Variants in PELI2 observed in about 807,000 individuals in gnomAD.
PELI2 encodes the protein E3 ubiquitin-protein ligase pellino homolog 2.
In PELI2, 23 loss-of-function variants were observed where a neutral mutation model predicts 42.3. That is an observed-to-expected ratio of 0.54 (90% CI 0.39 to 0.77). PELI2 has a LOEUF of 0.77. Ranked by LOEUF, PELI2 falls within the 30% of genes least tolerant of loss-of-function variation. The pLI is 0.00. For missense variants in PELI2, 463 were observed against 553.2 expected (o/e 0.84, Z 1.64); for synonymous variants, 245 against 212.2 (o/e 1.15, Z -1.34).
At position 56,296,740 on chromosome 14, in the gene PELI2, C is replaced by T. The variant is rs148290454; in HGVS notation, c.837C>T (p.Ala279=). 3.4e-4 allele frequency: 549 copies of T among 1,614,118 alleles called. 2 individuals carry two copies. The African/African-American group carries it at 6.6e-3, about 19-fold the overall frequency. Residue 279 remains alanine, a synonymous_variant, in exon 6 of 6, where the codon GCC becomes GCT. Transcript: ENST00000267460. The part of the protein sequence containing the change: ...HIEALRQEIN[A]ARPQCPVGLN... ...AAGCCCTCCGGCAGGAGATTAACGC[C>T]GCCCGGCCTCAGTGTCCTGTGGGGC...
At chr14:56,257,820 T>G (rs1888575093) in intron 2 of PELI2, among the ~76,000 whole-genome samples, 1 of 152,168 alleles carries the variant, frequency 6.6e-6, no homozygotes, top group Non-Finnish European at 1.5e-5. Context: ...CCCTATGATC[T>G]GAGTTGAAGA....
intron 1 of PELI2, among the ~76,000 whole-genome samples, chr14:56,136,618 T>C (rs1342407866): frequency 1.3e-5 from 2 of 152,218 alleles, no homozygotes. Flanking sequence ...TGGAAATTGT[T>C]ACATCCTCTG....
chr14:56,167,808 C>T (rs765135211), intron 1 of PELI2, among the ~76,000 whole-genome samples: 1 of 152,108 alleles, frequency 6.6e-6, no homozygotes, highest in African/African-American at 2.4e-5. Context: ...ATTTGTAGCC[C>T]TCCTTTTTGG....
chr14:56,138,844 T>C (rs1883786760), intron 1 of PELI2, among the ~76,000 whole-genome samples: 1 of 152,260 alleles, frequency 6.6e-6, no homozygotes, highest in South Asian at 2.1e-4. Flanking sequence ...ATGGAAACGC[T>C]CAGTTCAGGT....
intron 2 of PELI2, among the ~76,000 whole-genome samples, chr14:56,260,535 G>A (rs1888676171): frequency 6.6e-6 from 1 of 152,176 alleles, no homozygotes; most frequent in Non-Finnish European, 1.5e-5. Context: ...ACAGTTCTAT[G>A]TCTTGACTGA....
chr14:56,263,931 T>A (rs542047964), intron 2 of PELI2, among the ~76,000 whole-genome samples: 171 of 152,184 alleles, frequency 1.1e-3, no homozygotes, highest in African/African-American at 3.6e-3. Flanking sequence ...ATTGAAAAAA[T>A]TTTTTAAAAT....
chr14:56,216,218 C>T (rs7161696), intron 2 of PELI2, among the ~76,000 whole-genome samples: 60,598 of 151,716 alleles, frequency 0.4, 12,898 homozygotes, highest in South Asian at 0.53. Context: ...GCTCCTTGGC[C>T]AGGGAGTCAG....
chr14:56,267,963 G>A (rs553107492), intron 2 of PELI2, among the ~76,000 whole-genome samples: 1 of 152,258 alleles, frequency 6.6e-6, no homozygotes, highest in East Asian at 1.9e-4. Flanking sequence ...ACAATTACAT[G>A]GTAAGTCATT....
At chr14:56,225,613 G>A (rs1406534637) in intron 2 of PELI2, among the ~76,000 whole-genome samples, 1 of 152,216 alleles carries the variant, frequency 6.6e-6, no homozygotes, top group Non-Finnish European at 1.5e-5. Context: ...GGGCTGCAGT[G>A]AGGGAAGGGG....
At chr14:56,179,257 T>C (rs1158682576) in intron 2 of PELI2, among the ~76,000 whole-genome samples, 1 of 152,224 alleles carries the variant, frequency 6.6e-6, no homozygotes, top group Non-Finnish European at 1.5e-5. Flanking sequence ...ACGGGGCTAC[T>C]GGCTGTACCT....
intron 2 of PELI2, among the ~76,000 whole-genome samples, chr14:56,214,285 G>T (rs1002916413): frequency 6.6e-6 from 1 of 152,166 alleles, no homozygotes; most frequent in African/African-American, 2.4e-5. Flanking sequence ...GGGAGAGAGG[G>T]TAGAGCCCCT....
intron 2 of PELI2, among the ~76,000 whole-genome samples, chr14:56,250,523 C>T (rs1888308747): frequency 6.6e-6 from 1 of 152,174 alleles, no homozygotes; most frequent in Non-Finnish European, 1.5e-5. Flanking sequence ...CAGTCTGTGA[C>T]CAAATGCCAT....
At chr14:56,188,683 A>C (rs1267129998) in intron 2 of PELI2, among the ~76,000 whole-genome samples, 1 of 152,108 alleles carries the variant, frequency 6.6e-6, no homozygotes, top group Non-Finnish European at 1.5e-5. Context: ...CAGGCATAGC[A>C]TTTGTTTTTG....
At chr14:56,287,514 A>AT (rs1185163412) in intron 3 of PELI2, among the ~76,000 whole-genome samples, 1 of 152,180 alleles carries the variant, frequency 6.6e-6, no homozygotes, top group Non-Finnish European at 1.5e-5. Flanking sequence ...TTTACATTGC[A>AT]TTTTTTAACA....
chr14:56,149,230 T>TA (rs1884246832), intron 1 of PELI2, among the ~76,000 whole-genome samples: 1 of 152,202 alleles, frequency 6.6e-6, no homozygotes, highest in Admixed American at 6.5e-5. Flanking sequence ...AGTTAGATGC[T>TA]AAAATGGGTG....
At chr14:56,187,736 C>T (rs1452417785) in intron 2 of PELI2, among the ~76,000 whole-genome samples, 1 of 152,144 alleles carries the variant, frequency 6.6e-6, no homozygotes, top group African/African-American at 2.4e-5. Flanking sequence ...TGATCATAAC[C>T]GTGTTCCAGG....
intron 2 of PELI2, among the ~76,000 whole-genome samples, chr14:56,233,373 A>G (rs189667476): frequency 7.2e-5 from 11 of 152,342 alleles, no homozygotes; most frequent in Non-Finnish European, 1.5e-4. Context: ...GTTTACAGTA[A>G]CCAAAACAGC....
At chr14:56,141,189 A>G (rs1292307080) in intron 1 of PELI2, among the ~76,000 whole-genome samples, 1 of 152,162 alleles carries the variant, frequency 6.6e-6, no homozygotes, top group Non-Finnish European at 1.5e-5. Context: ...TCAACTTAAG[A>G]CAAAGTTTCC....
intron 2 of PELI2, among the ~76,000 whole-genome samples, chr14:56,236,617 T>C (rs888536715): frequency 6.6e-6 from 1 of 152,150 alleles, no homozygotes. Context: ...TTATTATGAG[T>C]TCATATTTCT....
Sources: allele counts gnomAD v4.1 joint callset (sites outside exome capture counted in the v4.1 genomes callset), GRCh38; gene constraint gnomAD v4.1.1; transcripts MANE v1.5; gene names NCBI Gene and HGNC (gene_info 2026-07-23, HGNC 2026-07-21).